RNF150: variants seen among roughly 807,000 people sequenced by gnomAD.
RNF150 encodes the protein ring finger protein 150.
Under a neutral mutation model 39.3 loss-of-function variants are expected in RNF150, and 24 were observed. The ratio of observed to expected loss-of-function variants is 0.61; its 90% CI spans 0.44 to 0.86. The LOEUF is 0.86. Among genes scored for constraint, RNF150 ranks in the 40% least tolerant of loss-of-function variants. The pLI, the probability that RNF150 is intolerant of heterozygous loss-of-function variation, is 0.00. For synonymous variants in RNF150, 255 were observed against 227.3 expected (o/e 1.12, Z -1.10); for missense variants, 502 against 587.8 (o/e 0.85, Z 1.51).
chr4:140,958,383 A>G (rs947359553), intron 2 of RNF150, among the ~76,000 whole-genome samples: 2 of 152,110 alleles, frequency 1.3e-5, no homozygotes, highest in African/African-American at 4.8e-5. Context: ...TTTTATGGCT[A>G]TGACTGAGGC....
intron 1 of RNF150, among the ~76,000 whole-genome samples, chr4:141,056,643 C>A (rs1390504211): frequency 6.6e-6 from 1 of 151,890 alleles, no homozygotes; most frequent in African/African-American, 2.4e-5. Flanking sequence ...AAGAGATAGC[C>A]TCTGCATTCC....
intron 1 of RNF150, among the ~76,000 whole-genome samples, chr4:140,991,124 G>C (rs543196951): frequency 4.6e-5 from 7 of 152,140 alleles, no homozygotes; most frequent in African/African-American, 1.7e-4. Context: ...TCGTATGTTT[G>C]TTGACCACAT....
In RNF150 at chr4:141,057,262, T is replaced by C. The variant is rs188683517; in HGVS notation, c.484+75063A>G. On this transcript the variant is annotated intron_variant, in intron 1 of 6. Transcript: ENST00000515673. ...TTCTTATTTTTTAAAATTATATTTA[T>C]GTAATAGGTTATATCTAAATTATAT... 9.5e-3 allele frequency among the ~76,000 whole-genome samples: 1,441 copies of C among 151,958 alleles called. 15 individuals carry two copies. Among genetic ancestry groups the C allele is most frequent in the Admixed American group, 0.031 (478 of 15,252 alleles).
chr4:140,992,908 G>A (rs1234715696), intron 1 of RNF150, among the ~76,000 whole-genome samples: 12 of 152,094 alleles, frequency 7.9e-5, no homozygotes, highest in Admixed American at 7.9e-4. Context: ...TCTTCCTTGT[G>A]CTCAGGAGCC....
At chr4:140,889,417 T>G (rs1560949879) in intron 6 of RNF150, among the ~76,000 whole-genome samples, 1 of 152,218 alleles carries the variant, frequency 6.6e-6, no homozygotes, top group Non-Finnish European at 1.5e-5. Context: ...TTGCATTTTT[T>G]GTTTCCCACT....
chr4:140,963,250 G>A (rs17424713), intron 2 of RNF150, among the ~76,000 whole-genome samples: 2,739 of 152,102 alleles, frequency 0.018, 37 homozygotes, highest in Middle Eastern at 0.044. Flanking sequence ...AGAAAAGGAA[G>A]AGATGTCTCC....
chr4:141,090,441 T>A (rs1011850946), intron 1 of RNF150, among the ~76,000 whole-genome samples: 2 of 152,086 alleles, frequency 1.3e-5, no homozygotes, highest in Non-Finnish European at 2.9e-5. Context: ...CAAAATTTAA[T>A]GAGATAGATG....
At chr4:140,901,314 A>AATC (rs3033127) in intron 6 of RNF150, among the ~76,000 whole-genome samples, 138,571 of 151,894 alleles carry the variant, frequency 0.91, 63,538 homozygotes, top group East Asian at 1. Context: ...ATAAATAATA[A>AATC]ATCAGTCCAT....
intron 1 of RNF150, among the ~76,000 whole-genome samples, chr4:141,058,078 C>T (rs544431071): frequency 6.6e-6 from 1 of 152,156 alleles, no homozygotes; most frequent in African/African-American, 2.4e-5. Context: ...AATGCATATA[C>T]ACAATTTTTA....
At chr4:141,084,555 G>T (rs1370600519) in intron 1 of RNF150, among the ~76,000 whole-genome samples, 1 of 152,184 alleles carries the variant, frequency 6.6e-6, no homozygotes, top group African/African-American at 2.4e-5. Flanking sequence ...CCCCCAGCAA[G>T]TCTGCTCTCA....
chr4:141,027,926 G>GTTTTTTTTTTTTTTTTT (rs61543533), intron 1 of RNF150, among the ~76,000 whole-genome samples: 4 of 69,126 alleles, frequency 5.8e-5, no homozygotes, highest in Admixed American at 2.2e-4. Flanking sequence ...TTTTTTTTTT[G>GTTTTTTTTTTTTTTTTT]TTTTTTTTTT....
At chr4:140,948,722 G>C (rs1299213050) in intron 3 of RNF150, among the ~76,000 whole-genome samples, 1 of 152,196 alleles carries the variant, frequency 6.6e-6, no homozygotes, top group Non-Finnish European at 1.5e-5. Flanking sequence ...TTACAGGCAT[G>C]AGCCACACCA....
chr4:141,072,719 C>A (rs186827151), intron 1 of RNF150, among the ~76,000 whole-genome samples: 3 of 151,862 alleles, frequency 2.0e-5, no homozygotes, highest in African/African-American at 7.3e-5. Context: ...TTGAATTTAC[C>A]ATCCCTATGA....
At chr4:141,099,845 C>T (rs1403312601) in intron 1 of RNF150, among the ~76,000 whole-genome samples, 3 of 151,716 alleles carry the variant, frequency 2.0e-5, no homozygotes, top group Admixed American at 6.6e-5. Flanking sequence ...TTGAGCCATA[C>T]AGTATGTGAT....
intron 1 of RNF150, among the ~76,000 whole-genome samples, chr4:141,027,939 T>TG (rs1471209691): frequency 1.3e-3 from 175 of 133,636 alleles, no homozygotes; most frequent in Non-Finnish European, 2.2e-3. Flanking sequence ...TTTTTTTTTT[T>TG]TTTTTTTTTT....
intron 1 of RNF150, among the ~76,000 whole-genome samples, chr4:141,054,687 T>C (rs1736901190): frequency 1.3e-5 from 2 of 152,120 alleles, no homozygotes; most frequent in Non-Finnish European, 2.9e-5. Context: ...AAGACATAAA[T>C]AGCAACCTTC....
chr4:140,973,906 A>G (rs1733563345), intron 1 of RNF150, among the ~76,000 whole-genome samples: 2 of 151,254 alleles, frequency 1.3e-5, no homozygotes, highest in South Asian at 4.2e-4. Flanking sequence ...AAGAAGAGGT[A>G]AAAACAGTAC....
intron 1 of RNF150, among the ~76,000 whole-genome samples, chr4:141,026,472 A>C (rs28663149): frequency 0.64 from 96,778 of 151,974 alleles, 32,222 homozygotes; most frequent in Non-Finnish European, 0.75. Flanking sequence ...ACTGGATCAC[A>C]CAGGGGCTCC....
chr4:141,154,416 G>A (rs1041750475), intron 1 of RNF150, among the ~76,000 whole-genome samples: 1 of 152,196 alleles, frequency 6.6e-6, no homozygotes, highest in African/African-American at 2.4e-5. Context: ...ATGCTATTAA[G>A]TTAGAGGGGC....
Sources: gnomAD v4.1 joint callset for allele counts (sites outside exome capture counted in the v4.1 genomes callset) on GRCh38, gnomAD v4.1.1 for gene constraint, MANE v1.5 for transcripts, NCBI Gene and HGNC (gene_info 2026-07-23, HGNC 2026-07-21) for gene names.